The following SLC2A5 variants were observed in gnomAD, a reference collection of about 807,000 sequenced individuals.
SLC2A5 encodes solute carrier family 2 member 5, also known as solute carrier family 2, facilitated glucose transporter member 5.
Under a neutral mutation model 50.3 loss-of-function variants are expected in SLC2A5, and 56 were observed. The ratio of observed to expected loss-of-function variants is 1.11; its 90% CI spans 0.90 to 1.39. The LOEUF (loss-of-function observed/expected upper bound fraction) is 1.39, where lower values mean the gene tolerates loss of function less well. SLC2A5 is among the 40% of genes most tolerant of loss of function. SLC2A5 has a pLI of 0.00. For synonymous variants in SLC2A5, 269 were observed against 281.9 expected (o/e 0.95, Z 0.46); for missense variants, 566 against 650.1 (o/e 0.87, Z 1.41).
chr1:9,047,532 G>T, intron 4 of SLC2A5, 78 bp downstream of exon 4: 4 of 1,463,338 alleles, frequency 2.7e-6, no homozygotes, highest in Middle Eastern at 1.8e-4. Flanking sequence ...ATCACAGATT[G>T]GTTCTAGTCC....
At chr1:9,053,118 A>ATATTTATATATAATATATATTATG (rs1358698988) in intron 3 of SLC2A5, among the ~76,000 whole-genome samples, 1 of 106,242 alleles carries the variant, frequency 9.4e-6, no homozygotes, top group African/African-American at 3.9e-5. Flanking sequence ...TATATATTAT[A>ATATTTATATATAATATATATTATG]TATTTATATT....
intron 3 of SLC2A5, among the ~76,000 whole-genome samples, chr1:9,051,567 A>C (rs3004245): frequency 0.54 from 81,758 of 151,958 alleles, 23,591 homozygotes; most frequent in East Asian, 0.74. Flanking sequence ...GATGTGTTAT[A>C]GGGGAAATGC....
At chr1:9,038,700 C>G in intron 9 of SLC2A5, 128 bp downstream of exon 9, 1 of 1,395,770 alleles carries the variant, frequency 7.2e-7, no homozygotes, top group Non-Finnish European at 9.6e-7. Flanking sequence ...AGATGTCTGG[C>G]CAGTTGTATT....
chr1:9,086,387 C>CTTTTTTTTTTTT lies in SLC2A5; in HGVS notation c.-187-1257_-187-1246dup, dbSNP rs34593630. ...AGGCTGGGATTTTCTTTTTCTCTCT[C>CTTTTTTTTTTTT]TTTTTTTTTTTTTTTTATTGAGATG... On this transcript the variant is annotated intron_variant, in intron 1 of 5. Transcript: ENST00000464985. Among the ~76,000 whole-genome samples the CTTTTTTTTTTTT allele has an allele frequency of 7.8e-5, 11 of 140,556 alleles. 1 individual carries two copies. Among genetic ancestry groups the CTTTTTTTTTTTT allele is most frequent in the African/African-American group, 2.7e-4 (10 of 37,708 alleles). The allele number at this position is 140,556 out of a possible 152,430, so 92.2% of individuals were successfully genotyped here.
chr1:9,052,780 G>A (rs1489909737), intron 3 of SLC2A5, among the ~76,000 whole-genome samples: 2 of 151,554 alleles, frequency 1.3e-5, no homozygotes, highest in African/African-American at 4.9e-5. Flanking sequence ...CACTTTCAGA[G>A]GCCAAGGTGG....
intron 2 of SLC2A5, among the ~76,000 whole-genome samples, chr1:9,080,843 C>T (rs546269284): frequency 1.1e-3 from 172 of 152,334 alleles, no homozygotes; most frequent in African/African-American, 3.9e-3. Context: ...TAATCCCTCT[C>T]GCCTGGGGCG....
Position 9,079,392 on chromosome 1 carries a change from G to A in SLC2A5, c.-59+5622C>T, listed in dbSNP as rs144285134. On this transcript the variant is annotated intron_variant, in intron 2 of 5. Transcript: ENST00000464985. ...TCCTGGAGAAGCACAGGCAGAAGAC[G>A]TGAAAGCCGGAGCAGCAGAGGCTCT... 4.8e-4 allele frequency among the ~76,000 whole-genome samples: 73 copies of A among 152,318 alleles called. No homozygotes were observed. In the Middle Eastern group the frequency reaches 0.014, roughly 28 times the overall value.
chr1:9,085,502 T>C (rs976070192), intron 1 of SLC2A5, among the ~76,000 whole-genome samples: 1 of 152,214 alleles, frequency 6.6e-6, no homozygotes, highest in African/African-American at 2.4e-5. Flanking sequence ...AGTTTTACCA[T>C]GCAGATGAAG....
upstream of SLC2A5, among the ~76,000 whole-genome samples, chr1:9,070,942 T>C (rs950497059): frequency 2.0e-5 from 3 of 152,298 alleles, no homozygotes; most frequent in East Asian, 5.8e-4. Flanking sequence ...TGCGTATCAC[T>C]GTCCTAGCAC....
In SLC2A5 at chr1:9,037,985, T is replaced by C. The variant is rs973136944; in HGVS notation, c.1214A>G (p.Gln405Arg). 1 of 1,613,942 alleles carries C rather than the reference T, an allele frequency of 6.2e-7. No homozygotes were observed. The highest frequency in any genetic ancestry group is 8.5e-7 in the Non-Finnish European group (1 of 1,179,998). Residue 405 changes from glutamine (Q) to arginine (R), a missense_variant, in exon 11 of 12, where the codon CAG becomes CGG. Physicochemically the swap from Gln to Arg is conservative, Grantham distance 43. Transcript: ENST00000377424. Reference sequence around the variant, plus strand: ...CATGAAGGCAGATGGCCGAGAGGACTGCAGGAAGATCTCAGTGATGAGCAG... The same window carrying C: ...CATGAAGGCAGATGGCCGAGAGGACCGCAGGAAGATCTCAGTGATGAGCAG... ...PALLITEIFL[Q>R]SSRPSAFMVG...
rs1557661879 is a variant in SLC2A5 at position 9,039,959 on chromosome 1, A to T, written c.726T>A (p.Ser242=). The part of the protein sequence containing the change: ...KALQTLRGWD[S]VDREVAEIRQ... ...GGATCTCGGCCACCTCCCTGTCCAC[A>T]GAGTCCCAGCCGCGCAGCGTCTGTA... Residue 242 remains serine, a synonymous_variant, in exon 7 of 12, where the codon TCT becomes TCA. Coordinates refer to ENST00000377424, the MANE Select transcript of SLC2A5 (RefSeq NM_003039.3). 1 of 1,612,570 alleles carries T rather than the reference A, an allele frequency of 6.2e-7. No homozygotes were observed. Among genetic ancestry groups the T allele is most frequent in the Non-Finnish European group, 8.5e-7 (1 of 1,179,532 alleles).
At chr1:9,074,590 G>A (rs1642260163), upstream of SLC2A5, among the ~76,000 whole-genome samples, 1 of 152,194 alleles carries the variant, frequency 6.6e-6, no homozygotes, top group Non-Finnish European at 1.5e-5. Context: ...AGGAAAGACA[G>A]CTCCTTGCAT....
Position 9,038,812 on chromosome 1 carries a change from C to T in SLC2A5, c.1098+16G>A. The T allele has an allele frequency of 6.3e-7, 1 of 1,578,308 alleles. No homozygotes were observed. The highest frequency in any genetic ancestry group is 1.2e-5 in the South Asian group (1 of 86,570). On this transcript the variant is annotated intron_variant, in intron 9 of 11. Coordinates refer to ENST00000377424, the MANE Select transcript of SLC2A5 (RefSeq NM_003039.3). ...TGGTGCAGCTCCGGGCTCCTGGGAC[C>T]CTGGCCTGTCCTCACCTGCAGTGCC... is the stretch of plus-strand genomic sequence containing the variant.
chr1:9,051,489 A>C (rs116790006), intron 3 of SLC2A5, among the ~76,000 whole-genome samples: 19 of 152,324 alleles, frequency 1.2e-4, no homozygotes, highest in Non-Finnish European at 1.9e-4. Flanking sequence ...AAATGGGCCA[A>C]AGATCTTAAC....
In SLC2A5 at chr1:9,037,712, G is replaced by C; in HGVS notation, c.1380C>G (p.Val460=). The part of the protein sequence containing the change: ...LLTTIYIFLI[V]PETKAKTFIE... ...TGAACGTCTTGGCCTTGGTCTCCGG[G>C]ACAATCAAGAAGATGTAGATGGTGG... Residue 460 remains valine (V), a synonymous_variant, in exon 12 of 12, where the codon GTC becomes GTG. Transcript: ENST00000377424. 3 of 1,614,182 alleles carry C rather than the reference G, an allele frequency of 1.9e-6. No individual in the cohort carries two copies. The highest frequency in any genetic ancestry group is 2.5e-6 in the Non-Finnish European group (3 of 1,180,032).
rs567480568 is a variant in SLC2A5 at position 9,043,254 on chromosome 1, G to A, written c.419-1317C>T. 1.3e-3 allele frequency among the ~76,000 whole-genome samples: 205 copies of A among 152,236 alleles called. 2 individuals are homozygous for A. Among genetic ancestry groups the A allele is most frequent in the African/African-American group, 4.8e-3 (199 of 41,532 alleles). ...GGTTGGAGCTGCTGTTGATGGCGGGGTATTTGATAGAACTGAGATAGGAGG... is the reference window on the plus strand; with the variant it reads ...GGTTGGAGCTGCTGTTGATGGCGGGATATTTGATAGAACTGAGATAGGAGG... On this transcript the variant is annotated intron_variant, in intron 4 of 11. Transcript: ENST00000377424.
At chr1:9,078,895 C>CTAA (rs1193248375) in intron 2 of SLC2A5, among the ~76,000 whole-genome samples, 2 of 152,198 alleles carry the variant, frequency 1.3e-5, no homozygotes, top group Non-Finnish European at 2.9e-5. Flanking sequence ...AGGAAGGAAT[C>CTAA]ATTAACAGAT....
chr1:9,052,475 G>A (rs995039284), intron 3 of SLC2A5, among the ~76,000 whole-genome samples: 1 of 152,084 alleles, frequency 6.6e-6, no homozygotes, highest in East Asian at 1.9e-4. Flanking sequence ...CTATAATGGT[G>A]GATACAAGTC....
chr1:9,069,219 T>A (rs182890790), intron 1 of SLC2A5, among the ~76,000 whole-genome samples: 1 of 152,362 alleles, frequency 6.6e-6, no homozygotes, highest in Admixed American at 6.5e-5. Flanking sequence ...TTGGTTCAAG[T>A]TGGGACAAAT....
Sources: gnomAD v4.1 joint callset for allele counts (sites outside exome capture counted in the v4.1 genomes callset) on GRCh38, gnomAD v4.1.1 for gene constraint, MANE v1.5 for transcripts, NCBI Gene and HGNC (gene_info 2026-07-23, HGNC 2026-07-21) for gene names.